The following NCOA7 variants were observed in gnomAD, a reference collection of about 807,000 sequenced individuals.
NCOA7 encodes the protein nuclear receptor coactivator 7.
In NCOA7, 45 loss-of-function variants were observed where a neutral mutation model predicts 104.3. The observed-to-expected ratio is 0.43, with a 90% CI of 0.34 to 0.55. The LOEUF is 0.55. NCOA7 is among the 20% of genes least tolerant of loss of function. The pLI is 0.02. For missense variants in NCOA7, 1,041 were observed against 1,119.7 expected (o/e 0.93, Z 1.00); for synonymous variants, 398 against 402.3 (o/e 0.99, Z 0.13).
chr6:125,822,173 T>C (rs1778250282), intron 2 of NCOA7, among the ~76,000 whole-genome samples: 1 of 152,256 alleles, frequency 6.6e-6, no homozygotes, highest in Admixed American at 6.5e-5. Flanking sequence ...TTAGTATGTC[T>C]GGCATTTGAG....
chr6:125,812,584 T>C (rs1381408071), intron 1 of NCOA7, among the ~76,000 whole-genome samples: 1 of 152,208 alleles, frequency 6.6e-6, no homozygotes, highest in African/African-American at 2.4e-5. Context: ...CTCCTTTTCT[T>C]CCTAACCACA....
chr6:125,928,808 T>A lies in NCOA7; in HGVS notation c.*37T>A, dbSNP rs558526567. On this transcript the variant is annotated 3_prime_UTR_variant, in exon 16 of 16. Coordinates refer to ENST00000392477, the MANE Select transcript of NCOA7 (RefSeq NM_181782.5). ...CCTTAAAATATAACATTAAAAAGAC[T>A]GGGTTCGATCAGCCCTCCTAAAGCT... 1 of 1,598,718 alleles carries A rather than the reference T, an allele frequency of 6.3e-7. No homozygotes were observed. Among genetic ancestry groups the A allele is most frequent in the African/African-American group, 1.4e-5 (1 of 74,014 alleles).
chr6:125,913,976 T>C (rs1786817933), intron 10 of NCOA7, among the ~76,000 whole-genome samples: 1 of 152,250 alleles, frequency 6.6e-6, no homozygotes, highest in Non-Finnish European at 1.5e-5. Context: ...AAGTTTGTTA[T>C]GAAACTTAAG....
upstream of NCOA7, chr6:125,786,220 G>A (rs922799380): frequency 7.9e-5 from 12 of 152,158 alleles, no homozygotes; most frequent in African/African-American, 2.7e-4. Context: ...TCAAGTAAGT[G>A]TATGAAAAGA....
At chr6:125,880,998 C>T (rs978715904) in intron 5 of NCOA7, 92 bp from the exon 6 acceptor site, 2 of 856,122 alleles carry the variant, frequency 2.3e-6, no homozygotes, top group Non-Finnish European at 4.0e-6. Context: ...ATGCACTGAA[C>T]ATGATACTGT....
intron 2 of NCOA7, among the ~76,000 whole-genome samples, chr6:125,841,406 T>G (rs948028900): frequency 4.6e-5 from 7 of 152,186 alleles, no homozygotes; most frequent in Non-Finnish European, 8.8e-5. Flanking sequence ...ATGACACGTT[T>G]CTCAGAATGT....
At chr6:125,854,958 A>G in intron 2 of NCOA7, 62 bp from the exon 3 acceptor site, 1 of 1,153,904 alleles carries the variant, frequency 8.7e-7, no homozygotes, top group Non-Finnish European at 1.2e-6. Context: ...CGTGAAATTA[A>G]TATGATTTCT....
chr6:125,857,582 A>G lies in NCOA7; in HGVS notation c.271+2342A>G, dbSNP rs776394620. On this transcript the variant is annotated intron_variant, in intron 3 of 15. Coordinates refer to ENST00000392477, the MANE Select transcript of NCOA7 (RefSeq NM_181782.5). Reference sequence around the variant, plus strand: ...CCCAAAGCATTTTTTTTTTTTATATACAGAGTCTCGCTCTGTCACCCAGGC... The same window carrying G: ...CCCAAAGCATTTTTTTTTTTTATATGCAGAGTCTCGCTCTGTCACCCAGGC... Among the ~76,000 whole-genome samples, 40 of 151,204 alleles carry G rather than the reference A, an allele frequency of 2.6e-4. 1 individual carries two copies. The highest frequency in any genetic ancestry group is 4.6e-4 in the Admixed American group (7 of 15,176).
chr6:125,911,189 G>T (rs918399846), intron 10 of NCOA7, among the ~76,000 whole-genome samples: 2 of 152,238 alleles, frequency 1.3e-5, no homozygotes, highest in Non-Finnish European at 2.9e-5. Context: ...ATGATTTACA[G>T]CTGTGATGTT....
chr6:125,840,428 C>T (rs2128603148), intron 2 of NCOA7, among the ~76,000 whole-genome samples: 1 of 152,026 alleles, frequency 6.6e-6, no homozygotes, highest in East Asian at 1.9e-4. Context: ...TGCAGTAGAG[C>T]ACAGTAAGCA....
intron 1 of NCOA7, chr6:125,798,225 G>C (rs541102719): frequency 6.6e-6 from 1 of 152,184 alleles, no homozygotes; most frequent in African/African-American, 2.4e-5. Flanking sequence ...TCTCTGAGAG[G>C]CTACTGATAT....
intron 8 of NCOA7, among the ~76,000 whole-genome samples, chr6:125,886,977 T>C (rs979477925): frequency 1.2e-4 from 18 of 152,244 alleles, no homozygotes; most frequent in African/African-American, 4.3e-4. Context: ...GAAAGGATTG[T>C]TGATCATCAT....
Position 125,876,989 on chromosome 6 carries a change from T to C in NCOA7, c.352-1274T>C, listed in dbSNP as rs1783435230. Among the ~76,000 whole-genome samples the C allele has an allele frequency of 2.0e-5, 3 of 152,230 alleles. No homozygotes were observed. The South Asian group carries it at 6.2e-4, about 32-fold the overall frequency. ...TACAGTGTATGTTTTACAAGTTTACTCATAACAATATGAATATAGTATACA... is the reference window on the plus strand; with the variant it reads ...TACAGTGTATGTTTTACAAGTTTACCCATAACAATATGAATATAGTATACA... On this transcript the variant is annotated intron_variant, in intron 4 of 15. Coordinates refer to ENST00000392477, the MANE Select transcript of NCOA7 (RefSeq NM_181782.5).
chr6:125,906,896 G>A (rs934866214), intron 10 of NCOA7, among the ~76,000 whole-genome samples: 2 of 152,070 alleles, frequency 1.3e-5, no homozygotes, highest in Non-Finnish European at 2.9e-5. Context: ...TAACCTAGAA[G>A]GAAAAACTAT....
intron 13 of NCOA7, among the ~76,000 whole-genome samples, chr6:125,924,537 T>C (rs1787858850): frequency 6.6e-6 from 1 of 152,246 alleles, no homozygotes; most frequent in African/African-American, 2.4e-5. Flanking sequence ...TATGACATTC[T>C]AATATAAAAA....
rs567719322 is a variant in NCOA7 at position 125,824,968 on chromosome 6, G to A, written c.50+9564G>A. On this transcript the variant is annotated intron_variant, in intron 2 of 15. Transcript: ENST00000392477. ...GGAGATTCGCTTGAACCCAGGAGGC[G>A]GACATTGCAGGGAGTCGAGATCAAG... 2.0e-5 allele frequency among the ~76,000 whole-genome samples: 3 copies of A among 152,122 alleles called. No homozygotes were observed. In the South Asian group the frequency reaches 6.2e-4, roughly 32 times the overall value.
Position 125,890,416 on chromosome 6 carries a change from A to T in NCOA7, c.1928-226A>T, listed in dbSNP as rs140790531. Among the ~76,000 whole-genome samples, 878 of 152,210 alleles carry T rather than the reference A, an allele frequency of 5.8e-3. 7 individuals carry two copies. The highest frequency in any genetic ancestry group is 5.6e-3 in the Admixed American group (85 of 15,292). On this transcript the variant is annotated intron_variant, in intron 9 of 15. Coordinates refer to ENST00000392477, the MANE Select transcript of NCOA7 (RefSeq NM_181782.5). ...TCTATTGGTTTTTAAACTTATTTTC[A>T]GTATGTAGCAGCTCATGGGATGTAG...
rs546399597 is a variant in NCOA7, at chr6:125,837,766, C to A, written c.51-17254C>A. ...GCATGAGGAAGGAGGCTGAGATCAT[C>A]CATATGCTATTATATTTTCTCATCA... is the stretch of plus-strand genomic sequence containing the variant. On this transcript the variant is annotated intron_variant, in intron 2 of 15. Transcript: ENST00000392477. Among the ~76,000 whole-genome samples, 28 of 152,290 alleles carry A rather than the reference C, an allele frequency of 1.8e-4. 2 individuals are homozygous for A. The highest frequency in any genetic ancestry group is 6.8e-3 in the Middle Eastern group (2 of 294).
At chr6:125,900,151 T>A (rs1785376753) in intron 10 of NCOA7, 1 of 410,614 alleles carries the variant, frequency 2.4e-6, no homozygotes, top group Admixed American at 2.4e-5. Context: ...TGTGGACCTC[T>A]GTAGCTAGGT....
Sources: gnomAD v4.1 joint callset for allele counts (sites outside exome capture counted in the v4.1 genomes callset) on GRCh38, gnomAD v4.1.1 for gene constraint, MANE v1.5 for transcripts, NCBI Gene and HGNC (gene_info 2026-07-23, HGNC 2026-07-21) for gene names.